Variants in GUCY1A1 observed in about 807,000 individuals in gnomAD.
The protein encoded by GUCY1A1 is guanylate cyclase soluble subunit alpha-1.
Under a neutral mutation model 64.5 loss-of-function variants are expected in GUCY1A1, and 48 were observed. The ratio of observed to expected loss-of-function variants is 0.74; its 90% CI spans 0.59 to 0.95. The LOEUF is 0.95. GUCY1A1 is among the 40% of genes least tolerant of loss of function. The pLI, the probability that GUCY1A1 is intolerant of heterozygous loss-of-function variation, is 0.00. For synonymous variants in GUCY1A1, 308 were observed against 303.4 expected, an observed-to-expected ratio of 1.02 and a Z score of -0.16; for missense variants, 804 against 825.3, an observed-to-expected ratio of 0.97 and a Z score of 0.32.
chr4:155,670,345 A>G (rs1003165947), intron 2 of GUCY1A1, among the ~76,000 whole-genome samples: 1 of 152,228 alleles, frequency 6.6e-6, no homozygotes, highest in African/African-American at 2.4e-5. Flanking sequence ...GGGTGTCTAC[A>G]TCTTGACTTG....
intron 3 of GUCY1A1, among the ~76,000 whole-genome samples, chr4:155,702,123 C>A (rs182368125): frequency 2.0e-5 from 3 of 152,176 alleles, no homozygotes; most frequent in African/African-American, 7.2e-5. Context: ...ACACTCTCTG[C>A]CCTTTTGGAG....
intron 2 of GUCY1A1, among the ~76,000 whole-genome samples, chr4:155,680,431 G>A (rs890720503): frequency 1.2e-4 from 18 of 151,232 alleles, no homozygotes; most frequent in Admixed American, 8.6e-4. Context: ...ATATCCACTG[G>A]GAATTCCTAC....
chr4:155,681,388 C>T (rs1560916502), intron 2 of GUCY1A1, among the ~76,000 whole-genome samples: 1 of 152,130 alleles, frequency 6.6e-6, no homozygotes, highest in African/African-American at 2.4e-5. Flanking sequence ...TCCTCACAAT[C>T]CTTCTTTCAA....
At chr4:155,686,425 G>A (rs1729012680) in intron 2 of GUCY1A1, among the ~76,000 whole-genome samples, 1 of 152,226 alleles carries the variant, frequency 6.6e-6, no homozygotes, top group African/African-American at 2.4e-5. Flanking sequence ...AGGTTGCAGT[G>A]AGCCAGGAGT....
chr4:155,718,981 A>G (rs1438288623), intron 8 of GUCY1A1, among the ~76,000 whole-genome samples: 1 of 152,094 alleles, frequency 6.6e-6, no homozygotes, highest in East Asian at 1.9e-4. Flanking sequence ...TCTCTTTCTA[A>G]TTTGTTTGAG....
At chr4:155,684,186 G>A (rs1579019790) in intron 2 of GUCY1A1, among the ~76,000 whole-genome samples, 1 of 152,288 alleles carries the variant, frequency 6.6e-6, no homozygotes, top group African/African-American at 2.4e-5. Context: ...GAATCAATTA[G>A]ATGGCAGAGG....
chr4:155,722,025 T>G lies in GUCY1A1; in HGVS notation c.1717-13T>G, dbSNP rs780835954. On this transcript the variant is annotated splice_polypyrimidine_tract_variant and intron_variant, in intron 8 of 9. Coordinates refer to ENST00000506455, the MANE Select transcript of GUCY1A1 (RefSeq NM_001130682.3). Reference sequence around the variant, plus strand: ...CCAGTGACTGGGAACATCATGTTATTTTTTGCTTTCAGATGCGAATTGGAC... The same window carrying G: ...CCAGTGACTGGGAACATCATGTTATGTTTTGCTTTCAGATGCGAATTGGAC... 1 of 1,581,048 alleles carries G rather than the reference T, an allele frequency of 6.3e-7. No homozygotes were observed. The highest frequency in any genetic ancestry group is 1.1e-5 in the South Asian group (1 of 90,080).
intron 2 of GUCY1A1, among the ~76,000 whole-genome samples, chr4:155,677,946 T>C (rs1735188004): frequency 6.6e-6 from 1 of 151,960 alleles, no homozygotes; most frequent in East Asian, 1.9e-4. Context: ...TATAAAAAAT[T>C]AGCAAAGTGG....
In GUCY1A1 at chr4:155,666,849, CA is replaced by C. The variant is rs1733354475; in HGVS notation, c.-302del. 6.6e-6 allele frequency: 1 copy of C among 152,260 alleles called. No individual in the cohort carries two copies. The highest frequency in any genetic ancestry group is 1.5e-5 in the Non-Finnish European group (1 of 68,154). The allele number at this position is 152,260 out of a possible 1,614,324, so 9.4% of individuals were successfully genotyped here. A position where few individuals can be genotyped will look rare whatever the true frequency, so the allele number is the denominator to read the frequency against. On this transcript the variant is annotated 5_prime_UTR_variant, in exon 1 of 10. Coordinates refer to ENST00000506455, the MANE Select transcript of GUCY1A1 (RefSeq NM_001130682.3). The stretch of plus-strand genomic sequence containing the variant: ...CAGGTTTCAGTGCAGAGTTTTCCTA[CA>C]CTTTTCCTGCGCTAGAGCAGCGAGC...
In GUCY1A1 at chr4:155,713,211, C is replaced by T. The variant is rs1023085624; in HGVS notation, c.1200C>T (p.Leu400=). 1.9e-6 allele frequency: 3 copies of T among 1,613,966 alleles called. No homozygotes were observed. The highest frequency in any genetic ancestry group is 2.5e-6 in the Non-Finnish European group (3 of 1,179,996). The change falls in exon 7 of 10, where the codon CTC becomes CTT. Residue 400 remains leucine, a synonymous_variant. Coordinates refer to ENST00000506455, the MANE Select transcript of GUCY1A1 (RefSeq NM_001130682.3). Reference sequence around the variant, plus strand: ...ATTTTACAGGACGAGGGCTCTACCTCTCAGACATCCCAATTCACAATGCAC... The same window carrying T: ...ATTTTACAGGACGAGGGCTCTACCTTTCAGACATCCCAATTCACAATGCAC... The part of the protein sequence containing the change: ...LEDFTGRGLY[L]SDIPIHNALR...
At chr4:155,683,235 A>G (rs1211680033) in intron 2 of GUCY1A1, among the ~76,000 whole-genome samples, 1 of 152,218 alleles carries the variant, frequency 6.6e-6, no homozygotes, top group Non-Finnish European at 1.5e-5. Context: ...CAACACTAAT[A>G]ATAAGTAAAA....
At position 155,682,914 on chromosome 4, in the gene GUCY1A1, G is replaced by GT. The variant is rs564237901; in HGVS notation, c.-112-13836dup. 1.6e-3 allele frequency among the ~76,000 whole-genome samples: 248 copies of GT among 152,086 alleles called. 11 individuals are homozygous for GT. In the South Asian group the frequency reaches 0.049, roughly 30 times the overall value. On this transcript the variant is annotated intron_variant, in intron 2 of 9. Coordinates refer to ENST00000506455, the MANE Select transcript of GUCY1A1 (RefSeq NM_001130682.3). Reference sequence around the variant, plus strand: ...TAGCTTTCTTTTATTTGTATTTTATGTTTTTTCTGGTTCATGTTTTGCCCC... The same window carrying GT: ...TAGCTTTCTTTTATTTGTATTTTATGTTTTTTTCTGGTTCATGTTTTGCCCC...
In GUCY1A1 at chr4:155,733,544, A is replaced by G. The variant is rs1666605485; in HGVS notation, c.*3313A>G. On this transcript the variant is annotated 3_prime_UTR_variant, in exon 10 of 10. Coordinates refer to ENST00000506455, the MANE Select transcript of GUCY1A1 (RefSeq NM_001130682.3). ...ATATTAATATATAGTAATTAACTACACATGACACAGCTTTACATGACCTTA... is the reference window on the plus strand; with the variant it reads ...ATATTAATATATAGTAATTAACTACGCATGACACAGCTTTACATGACCTTA... Among the ~76,000 whole-genome samples the G allele has an allele frequency of 6.6e-6, 1 of 151,756 alleles. No individual in the cohort carries two copies. Among genetic ancestry groups the G allele is most frequent in the African/African-American group, 2.4e-5 (1 of 41,354 alleles).
At chr4:155,702,438 A>C (rs879332363) in intron 3 of GUCY1A1, among the ~76,000 whole-genome samples, 5 of 152,180 alleles carry the variant, frequency 3.3e-5, no homozygotes, top group Non-Finnish European at 5.9e-5. Context: ...AGTGTCACTA[A>C]TTTAATGTTA....
intron 4 of GUCY1A1, among the ~76,000 whole-genome samples, chr4:155,704,809 TG>T (rs1195698996): frequency 6.6e-6 from 1 of 152,168 alleles, no homozygotes; most frequent in East Asian, 1.9e-4. Flanking sequence ...CCAGAACTCC[TG>T]GGCTCAGGCC....
At chr4:155,668,386 A>C (rs1395921745) in intron 2 of GUCY1A1, among the ~76,000 whole-genome samples, 3 of 152,238 alleles carry the variant, frequency 2.0e-5, no homozygotes, top group African/African-American at 4.8e-5. Flanking sequence ...ACCTATGGAA[A>C]CAGTGCTGAG....
chr4:155,702,160 T>G (rs1731171183), intron 3 of GUCY1A1, among the ~76,000 whole-genome samples: 1 of 152,184 alleles, frequency 6.6e-6, no homozygotes, highest in Admixed American at 6.5e-5. Flanking sequence ...AGAGACAGAT[T>G]ATGAAAAATT....
intron 9 of GUCY1A1, among the ~76,000 whole-genome samples, chr4:155,729,596 A>G (rs1735266866): frequency 6.6e-6 from 1 of 151,772 alleles, no homozygotes; most frequent in South Asian, 2.1e-4. Context: ...CTTGCCCATG[A>G]TTACGTTTTA....
chr4:155,706,950 A>G (rs1380150379), intron 4 of GUCY1A1, among the ~76,000 whole-genome samples: 1 of 152,236 alleles, frequency 6.6e-6, no homozygotes, highest in Non-Finnish European at 1.5e-5. Context: ...CTCAATTTCT[A>G]TGCTGTAAAA....
Sources: gnomAD v4.1 joint callset for allele counts (sites outside exome capture counted in the v4.1 genomes callset) on GRCh38, gnomAD v4.1.1 for gene constraint, MANE v1.5 for transcripts, NCBI Gene and HGNC (gene_info 2026-07-23, HGNC 2026-07-21) for gene names.